The following WWOX variants were observed in gnomAD, a reference collection of about 807,000 sequenced individuals.
WWOX encodes WW domain-containing oxidoreductase.
Under a neutral mutation model 46.2 loss-of-function variants are expected in WWOX, and 69 were observed. The ratio of observed to expected loss-of-function variants is 1.49; its 90% CI spans 1.23 to 1.82. The LOEUF is 1.82. Ranked by LOEUF, WWOX falls within the 40% of genes most tolerant of loss-of-function variation. The pLI is 0.00. For synonymous variants in WWOX, 359 were observed against 202.6 expected, an observed-to-expected ratio of 1.77 and a Z score of -6.56; for missense variants, 919 against 542.6, an observed-to-expected ratio of 1.69 and a Z score of -6.89.
At chr16:78,309,273 G>A (rs547218091) in intron 5 of WWOX, among the ~76,000 whole-genome samples, 2 of 152,286 alleles carry the variant, frequency 1.3e-5, no homozygotes, top group South Asian at 2.1e-4. Flanking sequence ...TAGTTTCTCT[G>A]CGTTCATTCT....
rs143900128 is a variant in WWOX at position 78,492,105 on chromosome 16, A to C, written c.1056+59353A>C. On this transcript the variant is annotated intron_variant, in intron 8 of 8. Transcript: ENST00000566780. ...CTTAGCATTCTCAGATTCCCAGCCA[A>C]CTGGTTTCACATGACAAGTAAATGA... 8.5e-4 allele frequency among the ~76,000 whole-genome samples: 129 copies of C among 152,282 alleles called. 1 individual carries two copies. Among genetic ancestry groups the C allele is most frequent in the African/African-American group, 2.6e-3 (110 of 41,564 alleles).
rs372039768 is a variant in WWOX at position 78,622,426 on chromosome 16, C to T, written c.1056+189674C>T. On this transcript the variant is annotated intron_variant, in intron 8 of 8. Transcript: ENST00000566780. ...GCGTGGTAGTGTACACCCATAATCCCAGGTACACAGGAGGCTGAGACTTAA... is the reference window on the plus strand; with the variant it reads ...GCGTGGTAGTGTACACCCATAATCCTAGGTACACAGGAGGCTGAGACTTAA... Among the ~76,000 whole-genome samples, 51 of 152,140 alleles carry T rather than the reference C, an allele frequency of 3.4e-4. 1 individual carries two copies. Among genetic ancestry groups the T allele is most frequent in the African/African-American group, 1.2e-3 (48 of 41,522 alleles).
chr16:78,657,862 G>T (rs1196808547), intron 8 of WWOX, among the ~76,000 whole-genome samples: 5 of 151,740 alleles, frequency 3.3e-5, no homozygotes, highest in South Asian at 2.1e-4. Context: ...GTTTTTCGGG[G>T]GCTGGAGTAG....
At chr16:79,085,368 A>G (rs1200126946) in intron 8 of WWOX, among the ~76,000 whole-genome samples, 5 of 152,298 alleles carry the variant, frequency 3.3e-5, no homozygotes, top group African/African-American at 1.2e-4. Context: ...TGGACAGATG[A>G]TGCTTTTCAC....
intron 8 of WWOX, among the ~76,000 whole-genome samples, chr16:78,883,980 C>G (rs558010121): frequency 7.2e-5 from 11 of 152,138 alleles, no homozygotes; most frequent in African/African-American, 2.6e-4. Flanking sequence ...ATCTGATCCC[C>G]TAGAAATTTC....
intron 8 of WWOX, among the ~76,000 whole-genome samples, chr16:78,927,260 C>G (rs1286066904): frequency 1.3e-5 from 2 of 152,182 alleles, no homozygotes; most frequent in Admixed American, 6.5e-5. Flanking sequence ...TTAGTCCGAG[C>G]TTCAGGGAAA....
At chr16:78,250,287 G>C (rs1465743705) in intron 5 of WWOX, among the ~76,000 whole-genome samples, 1 of 152,226 alleles carries the variant, frequency 6.6e-6, no homozygotes, top group Non-Finnish European at 1.5e-5. Context: ...GCTCGGTTCT[G>C]GAGCTGGATG....
chr16:78,361,899 A>G (rs1201791948), intron 5 of WWOX, among the ~76,000 whole-genome samples: 10 of 151,476 alleles, frequency 6.6e-5, no homozygotes, highest in Admixed American at 4.6e-4. Flanking sequence ...GGTGTGAGCT[A>G]CAGCGCCTGG....
At chr16:78,579,321 T>C (rs965716427) in intron 8 of WWOX, among the ~76,000 whole-genome samples, 5 of 152,140 alleles carry the variant, frequency 3.3e-5, no homozygotes, top group African/African-American at 9.6e-5. Context: ...GTGAGTGATA[T>C]GGAATAAGAG....
chr16:78,378,578 T>C (rs907242677), intron 5 of WWOX, among the ~76,000 whole-genome samples: 3 of 152,232 alleles, frequency 2.0e-5, no homozygotes, highest in Non-Finnish European at 4.4e-5. Context: ...ATTTCTATTG[T>C]AGTTCAGTGA....
At chr16:78,442,087 T>C (rs2083457335) in intron 8 of WWOX, among the ~76,000 whole-genome samples, 1 of 151,682 alleles carries the variant, frequency 6.6e-6, no homozygotes, top group Non-Finnish European at 1.5e-5. Flanking sequence ...CAGTGAGCTA[T>C]GATGGTGCCC....
chr16:78,366,299 C>T (rs944991225), intron 5 of WWOX, among the ~76,000 whole-genome samples: 1 of 152,208 alleles, frequency 6.6e-6, no homozygotes, highest in African/African-American at 2.4e-5. Flanking sequence ...ACACATTTTA[C>T]AAGGCAAAGT....
At chr16:78,520,510 T>G (rs1481076047) in intron 8 of WWOX, among the ~76,000 whole-genome samples, 1 of 151,970 alleles carries the variant, frequency 6.6e-6, no homozygotes, top group Non-Finnish European at 1.5e-5. Context: ...AATGGTTCTG[T>G]GGAAGAAACA....
intron 5 of WWOX, among the ~76,000 whole-genome samples, chr16:78,308,816 A>C (rs1206412481): frequency 6.6e-6 from 1 of 152,196 alleles, no homozygotes; most frequent in Non-Finnish European, 1.5e-5. Context: ...CTTTCTACTG[A>C]TGCCAGGTGT....
At chr16:79,124,078 G>C (rs922117783) in intron 8 of WWOX, among the ~76,000 whole-genome samples, 3 of 151,758 alleles carry the variant, frequency 2.0e-5, no homozygotes, top group South Asian at 2.1e-4. Flanking sequence ...CGGAGCACTC[G>C]TGCTCTGAAA....
rs534323365 is a variant in WWOX at position 78,646,284 on chromosome 16, G to T, written c.1056+213532G>T. On this transcript the variant is annotated intron_variant, in intron 8 of 8. Coordinates refer to ENST00000566780, the MANE Select transcript of WWOX (RefSeq NM_016373.4). ...ATCCTCTTGCTTCCCAAAGTGCTGG[G>T]ATTATAGGTGTGAGCCAGTACACTT... Among the ~76,000 whole-genome samples, 45 of 152,222 alleles carry T rather than the reference G, an allele frequency of 3.0e-4. 1 individual carries two copies. The highest frequency in any genetic ancestry group is 1.1e-3 in the African/African-American group (45 of 41,532).
chr16:78,721,028 C>T (rs1274115710), intron 8 of WWOX, among the ~76,000 whole-genome samples: 1 of 152,108 alleles, frequency 6.6e-6, no homozygotes, highest in Non-Finnish European at 1.5e-5. Flanking sequence ...TTGCCAACTC[C>T]TGCATTCTTA....
At chr16:78,410,604 G>GT (rs2082656802) in intron 6 of WWOX, among the ~76,000 whole-genome samples, 1 of 151,918 alleles carries the variant, frequency 6.6e-6, no homozygotes, top group African/African-American at 2.4e-5. Flanking sequence ...GAGGTTAGGA[G>GT]TTTGAGACCA....
intron 8 of WWOX, among the ~76,000 whole-genome samples, chr16:78,953,573 G>T (rs536173024): frequency 2.0e-5 from 3 of 152,110 alleles, no homozygotes; most frequent in Non-Finnish European, 4.4e-5. Context: ...ACTCATTGAC[G>T]GCAGAGAGTG....
Sources: gnomAD v4.1 joint callset for allele counts (sites outside exome capture counted in the v4.1 genomes callset) on GRCh38, gnomAD v4.1.1 for gene constraint, MANE v1.5 for transcripts, NCBI Gene and HGNC (gene_info 2026-07-23, HGNC 2026-07-21) for gene names.